CCDC171: variants seen among roughly 807,000 people sequenced by gnomAD.
CCDC171 encodes coiled-coil domain-containing protein 171.
CCDC171 carries 177 observed loss-of-function variants against 168.2 expected under a neutral mutation model. That is an observed-to-expected ratio of 1.05 (90% CI 0.93 to 1.19). The LOEUF is 1.19. Ranked by LOEUF, CCDC171 falls within the 50% of genes most tolerant of loss-of-function variation. CCDC171 has a pLI of 0.00. For synonymous variants in CCDC171, 687 were observed against 540.8 expected, an observed-to-expected ratio of 1.27 and a Z score of -3.75; for missense variants, 1,991 against 1,539.0, an observed-to-expected ratio of 1.29 and a Z score of -4.91.
chr9:15,700,811 C>T (rs2051671554), intron 11 of CCDC171, among the ~76,000 whole-genome samples: 1 of 151,910 alleles, frequency 6.6e-6, no homozygotes, highest in Non-Finnish European at 1.5e-5. Context: ...TGAGAAATCT[C>T]CATACTATTT....
At chr9:15,700,171 G>A (rs933054097) in intron 11 of CCDC171, among the ~76,000 whole-genome samples, 1 of 152,220 alleles carries the variant, frequency 6.6e-6, no homozygotes, top group Non-Finnish European at 1.5e-5. Context: ...GGCTGCAGGT[G>A]CTGAGCCCTG....
At chr9:15,753,082 G>A (rs990294292) in intron 18 of CCDC171, among the ~76,000 whole-genome samples, 2 of 151,998 alleles carry the variant, frequency 1.3e-5, no homozygotes, top group Non-Finnish European at 1.5e-5. Flanking sequence ...ACGCTAATAC[G>A]CACAGTTGTT....
At chr9:15,904,617 C>G (rs144198031) in intron 24 of CCDC171, among the ~76,000 whole-genome samples, 1 of 152,126 alleles carries the variant, frequency 6.6e-6, no homozygotes, top group Non-Finnish European at 1.5e-5. Flanking sequence ...CATCAACTAA[C>G]GAGCAAAATA....
intron 4 of CCDC171, among the ~76,000 whole-genome samples, chr9:15,589,012 GT>G (rs1167979942): frequency 6.8e-5 from 10 of 147,902 alleles, no homozygotes; most frequent in East Asian, 3.9e-4. Context: ...ACCCAGCCGT[GT>G]TTTTTTTTTA....
the CCDC171 span, among the ~76,000 whole-genome samples, chr9:16,095,873 T>C: frequency 0.043 from 4,183 of 96,226 alleles, 134 homozygotes; most frequent in African/African-American, 0.12. Context: ...TAGGCACATA[T>C]ATATATATAT....
At chr9:15,979,501 G>A (rs1364517811) in intron 3 of CCDC171, among the ~76,000 whole-genome samples, 1 of 151,948 alleles carries the variant, frequency 6.6e-6, no homozygotes, top group Non-Finnish European at 1.5e-5. Flanking sequence ...ATCACAGAAG[G>A]GTGTTTCAAT....
In CCDC171 at chr9:15,591,409, A is replaced by G. The variant is rs1564001564; in HGVS notation, c.396A>G (p.Lys132=). Residue 132 remains lysine (K), a synonymous_variant, in exon 5 of 26, where the codon AAA becomes AAG. Transcript: ENST00000380701. ...AAGCAAAGACAAATGAGACTGAGAA[A>G]GCATTTCAGACTTCTCAGCAAAAAT... ...ELQAKTNETE[K]AFQTSQQKWK... is the part of the protein sequence containing the mutation. The G allele has an allele frequency of 6.2e-7, 1 of 1,607,918 alleles. No homozygotes were observed. Among genetic ancestry groups the G allele is most frequent in the Non-Finnish European group, 8.5e-7 (1 of 1,177,770 alleles).
chr9:16,076,792 G>A, the CCDC171 span, among the ~76,000 whole-genome samples: 1 of 152,162 alleles, frequency 6.6e-6, no homozygotes, highest in Non-Finnish European at 1.5e-5. Flanking sequence ...TGAAAATATA[G>A]GAGAGGTGTG....
intron 10 of CCDC171, among the ~76,000 whole-genome samples, chr9:15,694,520 A>G (rs192346143): frequency 6.6e-6 from 1 of 152,162 alleles, no homozygotes; most frequent in Non-Finnish European, 1.5e-5. Flanking sequence ...AATAGCCAAA[A>G]CGAGACCCTC....
chr9:15,556,643 C>G (rs1338263462), intron 1 of CCDC171, among the ~76,000 whole-genome samples: 1 of 151,942 alleles, frequency 6.6e-6, no homozygotes, highest in African/African-American at 2.4e-5. Flanking sequence ...GATATTAGCC[C>G]TTTGTCAGAT....
chr9:15,678,145 A>C (rs1244637346), intron 9 of CCDC171, among the ~76,000 whole-genome samples: 1 of 151,404 alleles, frequency 6.6e-6, no homozygotes, highest in East Asian at 2.0e-4. Context: ...TCCTGACTTC[A>C]AATGATCTTC....
At chr9:15,892,482 G>A (rs1008294909) in intron 24 of CCDC171, among the ~76,000 whole-genome samples, 2 of 152,008 alleles carry the variant, frequency 1.3e-5, no homozygotes, top group African/African-American at 4.8e-5. Flanking sequence ...TTCTTTAGTT[G>A]TTTAGTTTAT....
chr9:16,014,998 TAA>T (rs1163288846), intron 3 of CCDC171, among the ~76,000 whole-genome samples: 3 of 152,074 alleles, frequency 2.0e-5, no homozygotes, highest in African/African-American at 7.2e-5. Context: ...TCTTCCAATA[TAA>T]GACTGTTTCG....
the CCDC171 span, among the ~76,000 whole-genome samples, chr9:16,075,684 C>T: frequency 3.3e-5 from 5 of 152,278 alleles, no homozygotes; most frequent in South Asian, 1.0e-3. Flanking sequence ...TTTTGTCCTT[C>T]TATCAGGCCA....
chr9:15,635,823 G>A (rs369170200), intron 7 of CCDC171, among the ~76,000 whole-genome samples: 1 of 152,050 alleles, frequency 6.6e-6, no homozygotes, highest in East Asian at 1.9e-4. Context: ...GGAATTGCTG[G>A]GTCACATGGT....
intron 21 of CCDC171, among the ~76,000 whole-genome samples, chr9:15,796,755 C>T (rs1271091665): frequency 1.3e-5 from 2 of 152,054 alleles, no homozygotes; most frequent in Non-Finnish European, 2.9e-5. Flanking sequence ...GCTCCCTCCT[C>T]AGCCCTGGGG....
intron 24 of CCDC171, among the ~76,000 whole-genome samples, chr9:15,903,995 A>G (rs2063425893): frequency 1.3e-5 from 2 of 152,068 alleles, no homozygotes; most frequent in African/African-American, 4.8e-5. Flanking sequence ...GAAAAGAAAC[A>G]AACAAAGCCT....
chr9:15,897,222 G>GATACAT (rs1821024721), intron 24 of CCDC171, among the ~76,000 whole-genome samples: 2 of 152,016 alleles, frequency 1.3e-5, no homozygotes, highest in Admixed American at 1.3e-4. Context: ...GCTGCTGAGA[G>GATACAT]ATACATAGCA....
At chr9:15,836,024 T>G (rs2060431798) in intron 21 of CCDC171, among the ~76,000 whole-genome samples, 1 of 152,222 alleles carries the variant, frequency 6.6e-6, no homozygotes, top group African/African-American at 2.4e-5. Flanking sequence ...GATGACTTGC[T>G]GTGATTTTAA....
Sources: gnomAD v4.1 joint callset for allele counts (sites outside exome capture counted in the v4.1 genomes callset) on GRCh38, gnomAD v4.1.1 for gene constraint, MANE v1.5 for transcripts, NCBI Gene and HGNC (gene_info 2026-07-23, HGNC 2026-07-21) for gene names.